The following GPR176 variants were observed in gnomAD, a reference collection of about 807,000 sequenced individuals.
GPR176 encodes G-protein coupled receptor 176.
Under a neutral mutation model 35.4 loss-of-function variants are expected in GPR176, and 26 were observed. The ratio of observed to expected loss-of-function variants is 0.74; its 90% CI spans 0.54 to 1.02. The LOEUF (loss-of-function observed/expected upper bound fraction) is 1.02, where lower values mean the gene tolerates loss of function less well. Ranked by LOEUF, GPR176 falls within the 50% of genes least tolerant of loss-of-function variation. The pLI is 0.00. For missense variants in GPR176, 597 were observed against 665.3 expected, an observed-to-expected ratio of 0.90 and a Z score of 1.13; for synonymous variants, 278 against 271.3, an observed-to-expected ratio of 1.02 and a Z score of -0.24.
chr15:39,802,960 A>C (rs761448092), intron 2 of GPR176, among the ~76,000 whole-genome samples: 1 of 152,232 alleles, frequency 6.6e-6, no homozygotes, highest in Non-Finnish European at 1.5e-5. Flanking sequence ...ATTTTTGTTA[A>C]AATCAGATGA....
intron 1 of GPR176, among the ~76,000 whole-genome samples, chr15:39,871,626 G>T (rs1387176724): frequency 6.6e-6 from 1 of 152,120 alleles, no homozygotes; most frequent in African/African-American, 2.4e-5. Context: ...TCATCCTCAT[G>T]GCCCCTTTCC....
At chr15:39,898,511 T>G (rs191573975) in intron 1 of GPR176, among the ~76,000 whole-genome samples, 2 of 152,150 alleles carry the variant, frequency 1.3e-5, no homozygotes, top group Non-Finnish European at 2.9e-5. Context: ...TGAGAGGAGA[T>G]AGCCAGTGAA....
chr15:39,821,145 A>G (rs1051738231), intron 1 of GPR176, among the ~76,000 whole-genome samples: 6 of 152,336 alleles, frequency 3.9e-5, no homozygotes, highest in Admixed American at 1.3e-4. Context: ...GTTGATTTGA[A>G]TAACATTGAG....
At chr15:39,868,653 T>C (rs2031922701) in intron 1 of GPR176, among the ~76,000 whole-genome samples, 1 of 152,178 alleles carries the variant, frequency 6.6e-6, no homozygotes, top group Non-Finnish European at 1.5e-5. Context: ...CTTTTAGGAA[T>C]GCTCAGGATA....
At chr15:39,819,386 C>A (rs1317277902) in intron 1 of GPR176, among the ~76,000 whole-genome samples, 1 of 152,198 alleles carries the variant, frequency 6.6e-6, no homozygotes, top group Non-Finnish European at 1.5e-5. Context: ...AGAACCTTAT[C>A]TGAAAACTCT....
intron 1 of GPR176, among the ~76,000 whole-genome samples, chr15:39,813,973 G>A (rs1899736694): frequency 6.6e-6 from 1 of 152,086 alleles, no homozygotes; most frequent in Non-Finnish European, 1.5e-5. Context: ...CTCCACAAAT[G>A]GCATGTGAGA....
At position 39,884,321 on chromosome 15, in the gene GPR176, T is replaced by C. The variant is rs936546917; in HGVS notation, c.172+35534A>G. On this transcript the variant is annotated intron_variant, in intron 1 of 2. Transcript: ENST00000561100. ...TTCCAAAAAATAAGCCTAGCAGACATGGGAATCTCTCTATATCCAAAATTT... is the reference window on the plus strand; with the variant it reads ...TTCCAAAAAATAAGCCTAGCAGACACGGGAATCTCTCTATATCCAAAATTT... Among the ~76,000 whole-genome samples, 8 of 152,336 alleles carry C rather than the reference T, an allele frequency of 5.3e-5. No individual in the cohort carries two copies. In the South Asian group the frequency reaches 1.2e-3, roughly 24 times the overall value.
At chr15:39,825,649 T>A (rs182763493) in intron 1 of GPR176, among the ~76,000 whole-genome samples, 1 of 152,164 alleles carries the variant, frequency 6.6e-6, no homozygotes, top group Non-Finnish European at 1.5e-5. Flanking sequence ...ACAAAAAAAA[T>A]TGTATATAAA....
Position 39,899,283 on chromosome 15 carries a change from T to C in GPR176, c.172+20572A>G, listed in dbSNP as rs373137693. On this transcript the variant is annotated intron_variant, in intron 1 of 2. Transcript: ENST00000561100. Reference sequence around the variant, plus strand: ...GAGGCATGAACCCAAAGGGGCTGGATGACAGTTTCAGCTTCCAGTTCAAGG... The same window carrying C: ...GAGGCATGAACCCAAAGGGGCTGGACGACAGTTTCAGCTTCCAGTTCAAGG... 5.3e-5 allele frequency among the ~76,000 whole-genome samples: 8 copies of C among 152,334 alleles called. No individual in the cohort carries two copies. In the East Asian group the frequency reaches 7.7e-4, roughly 15 times the overall value.
intron 1 of GPR176, among the ~76,000 whole-genome samples, chr15:39,844,203 C>T (rs1053460656): frequency 2.0e-5 from 3 of 152,046 alleles, no homozygotes; most frequent in African/African-American, 7.2e-5. Context: ...CTCAAATGTC[C>T]GGATTCATGA....
intron 1 of GPR176, among the ~76,000 whole-genome samples, chr15:39,894,682 C>T (rs1490817075): frequency 1.3e-5 from 2 of 151,336 alleles, no homozygotes; most frequent in African/African-American, 4.9e-5. Context: ...AAGAGGTGCT[C>T]CTCACTTCCT....
intron 1 of GPR176, among the ~76,000 whole-genome samples, chr15:39,831,755 A>C (rs1368487778): frequency 1.3e-5 from 2 of 151,982 alleles, no homozygotes; most frequent in African/African-American, 4.8e-5. Flanking sequence ...GTGGCCCAAT[A>C]TCTCTCAGCC....
At position 39,919,851 on chromosome 15, in the gene GPR176, T is replaced by C; in HGVS notation, c.172+4A>G. The C allele has an allele frequency of 7.1e-7, 1 of 1,414,394 alleles. No individual in the cohort carries two copies. The highest frequency in any genetic ancestry group is 9.3e-7 in the Non-Finnish European group (1 of 1,079,804). The allele number at this position is 1,414,394 out of a possible 1,614,324, so 87.6% of individuals were successfully genotyped here. The stretch of plus-strand genomic sequence containing the variant: ...GGTCCGGAGGCGCCCCGCGGGAGGC[T>C]TACCGAGCAGCGAGCCTATGAAGAT... On this transcript the variant is annotated splice_donor_region_variant and intron_variant, in intron 1 of 2. Coordinates refer to ENST00000561100, the MANE Select transcript of GPR176 (RefSeq NM_007223.3).
intron 1 of GPR176, among the ~76,000 whole-genome samples, chr15:39,861,646 T>C (rs275747): frequency 0.82 from 124,125 of 152,060 alleles, 51,738 homozygotes; most frequent in Middle Eastern, 0.93. Flanking sequence ...GTTCAGGATT[T>C]CTGACAATCT....
intron 1 of GPR176, among the ~76,000 whole-genome samples, chr15:39,887,820 A>G (rs1316647287): frequency 6.6e-6 from 1 of 152,206 alleles, no homozygotes; most frequent in African/African-American, 2.4e-5. Context: ...GTAGCTGAAT[A>G]TGCCATCCCA....
In GPR176 at chr15:39,801,863, T is replaced by C. The variant is rs1898893775; in HGVS notation, c.817A>G (p.Met273Val). The stretch of plus-strand genomic sequence containing the variant: ...GGCACGCTACACAAGATGAAGACCA[T>C]CACCATGGAGAGCAGGGTGGCGTGC... The part of the protein sequence containing the change: ...ELHATLLSMV[M>V]VFILCSVPYA... The change falls in exon 3 of 3, where the codon ATG becomes GTG. Residue 273 changes from methionine (M) to valine (V), a missense_variant. This residue lies in a region of GPR176 where 220 missense variants were observed against 297.6 expected (regional missense o/e 0.74). Coordinates refer to ENST00000561100, the MANE Select transcript of GPR176 (RefSeq NM_007223.3). The C allele has an allele frequency of 6.2e-7, 1 of 1,613,768 alleles. No individual in the cohort carries two copies. Among genetic ancestry groups the C allele is most frequent in the Non-Finnish European group, 8.5e-7 (1 of 1,179,938 alleles).
rs370671400 is a variant in GPR176, at chr15:39,799,137, C to CATCACAAT, written c.*1994_*1995insATTGTGAT. 8 of 130,180 alleles carry CATCACAAT rather than the reference C, an allele frequency of 6.1e-5. No individual in the cohort carries two copies. In the South Asian group the frequency reaches 1.6e-3, roughly 26 times the overall value. 8.1% of individuals were successfully genotyped at this position (130,180 alleles called of 1,614,324 possible). On this transcript the variant is annotated 3_prime_UTR_variant, in exon 3 of 3. Transcript: ENST00000561100. Reference sequence around the variant, plus strand: ...AACATATATAAGAAACATACCCAACCAGATTCTGCCTCATCAAAATTTATT... The same window carrying CATCACAAT: ...AACATATATAAGAAACATACCCAACCATCACAATAGATTCTGCCTCATCAAAATTTATT...
At chr15:39,828,800 C>A (rs778252846) in intron 1 of GPR176, among the ~76,000 whole-genome samples, 19 of 152,224 alleles carry the variant, frequency 1.2e-4, no homozygotes, top group Non-Finnish European at 2.4e-4. Flanking sequence ...ACAGTGTGAA[C>A]TTCAGGGCAG....
intron 2 of GPR176, among the ~76,000 whole-genome samples, chr15:39,803,089 C>T (rs568426907): frequency 4.9e-4 from 74 of 152,180 alleles, no homozygotes; most frequent in African/African-American, 1.8e-3. Flanking sequence ...ACTCTTTGCA[C>T]CCTAGAACCA....
Sources: gnomAD v4.1 joint callset for allele counts (sites outside exome capture counted in the v4.1 genomes callset) on GRCh38, gnomAD v4.1.1 for gene constraint, gnomAD v4.1.1 regional missense constraint, MANE v1.5 for transcripts, NCBI Gene and HGNC (gene_info 2026-07-23, HGNC 2026-07-21) for gene names.